Variants in SEL1L2 observed in about 807,000 individuals in gnomAD.
SEL1L2 encodes protein sel-1 homolog 2.
A neutral mutation model predicts 98.8 loss-of-function variants in SEL1L2; 89 were observed. The ratio of observed to expected loss-of-function variants is 0.90; its 90% CI spans 0.76 to 1.07. The LOEUF is 1.07. Ranked by LOEUF, SEL1L2 falls within the 50% of genes least tolerant of loss-of-function variation. The pLI is 0.00. For synonymous variants in SEL1L2, 262 were observed against 278.5 expected (o/e 0.94, Z 0.59); for missense variants, 788 against 812.0 (o/e 0.97, Z 0.36).
At chr20:13,978,776 A>AG (rs2051668698) in intron 1 of SEL1L2, among the ~76,000 whole-genome samples, 1 of 152,180 alleles carries the variant, frequency 6.6e-6, no homozygotes, top group Non-Finnish European at 1.5e-5. Flanking sequence ...GAATGAAATC[A>AG]CCAGGTGCGG....
Position 13,869,485 on chromosome 20 carries a change from T to C in SEL1L2, c.1255+18A>G. 1 of 1,574,622 alleles carries C rather than the reference T, an allele frequency of 6.4e-7. No individual in the cohort carries two copies. The highest frequency in any genetic ancestry group is 8.7e-7 in the Non-Finnish European group (1 of 1,143,988). ...CATATGTCATTCTAAATAAAGCAGC[T>C]GTATTTGTGGCACTTACAGTAGTAC... On this transcript the variant is annotated intron_variant, in intron 14 of 19. Coordinates refer to ENST00000284951, the MANE Select transcript of SEL1L2 (RefSeq NM_025229.2).
intron 1 of SEL1L2, among the ~76,000 whole-genome samples, chr20:13,982,644 T>C (rs1002437629): frequency 6.7e-6 from 1 of 148,174 alleles, no homozygotes; most frequent in Non-Finnish European, 1.5e-5. Flanking sequence ...AGAGAAGAAA[T>C]AGATGGGAGA....
At chr20:13,860,186 C>T (rs1399237120) in intron 17 of SEL1L2, among the ~76,000 whole-genome samples, 2 of 152,314 alleles carry the variant, frequency 1.3e-5, no homozygotes, top group East Asian at 1.9e-4. Context: ...CAAACACGCT[C>T]TGGCATCTTC....
chr20:13,891,462 A>G (rs1020510216), intron 5 of SEL1L2, among the ~76,000 whole-genome samples: 4 of 152,048 alleles, frequency 2.6e-5, no homozygotes, highest in African/African-American at 9.7e-5. Flanking sequence ...AGATCAAGAG[A>G]TTGAGACCCT....
At chr20:13,855,815 C>T (rs574524321) in intron 18 of SEL1L2, among the ~76,000 whole-genome samples, 52 of 152,360 alleles carry the variant, frequency 3.4e-4, no homozygotes, top group African/African-American at 1.2e-3. Context: ...CACGCCCTTG[C>T]GAGAGCTAGC....
chr20:13,856,331 TG>T (rs996242607), intron 18 of SEL1L2, among the ~76,000 whole-genome samples: 6 of 152,140 alleles, frequency 3.9e-5, no homozygotes, highest in Admixed American at 3.3e-4. Flanking sequence ...GATTTTGCCA[TG>T]TTAGCCTGGC....
intron 3 of SEL1L2, among the ~76,000 whole-genome samples, 165 bp from the exon 4 acceptor site, chr20:13,919,288 C>T (rs548298716): frequency 3.5e-3 from 531 of 152,284 alleles, no homozygotes; most frequent in Non-Finnish European, 4.3e-3. Flanking sequence ...AGCTGAGGAG[C>T]GTCGGTAGGT....
chr20:13,925,366 G>A (rs964724614), intron 3 of SEL1L2, among the ~76,000 whole-genome samples: 2 of 152,216 alleles, frequency 1.3e-5, no homozygotes, highest in Non-Finnish European at 2.9e-5. Flanking sequence ...AAAAAATCAG[G>A]TGGCATAAAT....
At position 13,874,704 on chromosome 20, in the gene SEL1L2, A is replaced by C. The variant is rs531204282; in HGVS notation, c.1104+1334T>G. On this transcript the variant is annotated intron_variant, in intron 12 of 19. Coordinates refer to ENST00000284951, the MANE Select transcript of SEL1L2 (RefSeq NM_025229.2). ...TTACAAAGGAGAGGAGCAGAGTACT[A>C]GCCTTCTCAGTAATTTACACCACAA... 3.9e-5 allele frequency among the ~76,000 whole-genome samples: 6 copies of C among 152,326 alleles called. No individual in the cohort carries two copies. In the East Asian group the frequency reaches 9.6e-4, roughly 24 times the overall value.
intron 4 of SEL1L2, among the ~76,000 whole-genome samples, chr20:13,914,579 A>C (rs752067641): frequency 6.6e-6 from 1 of 152,200 alleles, no homozygotes; most frequent in Non-Finnish European, 1.5e-5. Context: ...GGAGAACTTC[A>C]GCCAAGTTAT....
chr20:13,943,662 C>G (rs1472344959), intron 2 of SEL1L2, among the ~76,000 whole-genome samples: 1 of 151,894 alleles, frequency 6.6e-6, no homozygotes, highest in East Asian at 1.9e-4. Flanking sequence ...TCTCTGAGAA[C>G]TATACAAAAA....
intron 17 of SEL1L2, among the ~76,000 whole-genome samples, chr20:13,862,836 C>T (rs989576183): frequency 1.3e-5 from 2 of 151,940 alleles, no homozygotes; most frequent in South Asian, 2.1e-4. Context: ...TACAGGTGCA[C>T]ACCACCACAC....
chr20:13,908,428 T>G (rs1263274263), intron 5 of SEL1L2, among the ~76,000 whole-genome samples: 2 of 152,170 alleles, frequency 1.3e-5, no homozygotes, highest in African/African-American at 4.8e-5. Flanking sequence ...CTGGCCATTT[T>G]TGACTCTTAA....
chr20:13,934,420 TATATATATATTCC>T lies in SEL1L2; in HGVS notation c.115-2662_115-2650del, dbSNP rs2049327299. 2.8e-4 allele frequency among the ~76,000 whole-genome samples: 7 copies of T among 24,668 alleles called. 1 individual carries two copies. Among genetic ancestry groups the T allele is most frequent in the Admixed American group, 4.1e-4 (1 of 2,454 alleles). The allele number at this position is 24,668 out of a possible 152,430, so 16.2% of individuals were successfully genotyped here. On this transcript the variant is annotated intron_variant, in intron 2 of 19. Coordinates refer to ENST00000284951, the MANE Select transcript of SEL1L2 (RefSeq NM_025229.2). ...ATATATTCCATATATATATATTCCATATATATATATTCCATATATATATTCCATATATATATAT... is the reference window on the plus strand; with the variant it reads ...ATATATTCCATATATATATATTCCATATATATATATTCCATATATATATAT...
rs749668163 is a variant in SEL1L2, at chr20:13,869,542, AC to A, written c.1215del (p.Trp406GlyfsTer8). 11 of 1,613,914 alleles carry A rather than the reference AC, an allele frequency of 6.8e-6. No homozygotes were observed. Among genetic ancestry groups the A allele is most frequent in the Non-Finnish European group, 9.3e-6 (11 of 1,179,970 alleles). ...CCTAACTGGAACTGTGCGTCGGGCC[AC>A]CCTTTTTCCGCAGCTTTCTGAAAGT... ...LKYFQKAAEK[G>X]WPDAQFQLGF... On this transcript the variant is annotated frameshift_variant, in exon 14 of 20. Coordinates refer to ENST00000284951, the MANE Select transcript of SEL1L2 (RefSeq NM_025229.2). LOFTEE classifies it high-confidence loss of function.
At chr20:13,992,383 C>T (rs889006845), upstream of SEL1L2, among the ~76,000 whole-genome samples, 2 of 151,836 alleles carry the variant, frequency 1.3e-5, no homozygotes, top group Admixed American at 1.3e-4. Context: ...AGATGCCTGT[C>T]ATCTCAGCTA....
intron 11 of SEL1L2, among the ~76,000 whole-genome samples, chr20:13,876,470 C>A (rs1408067481): frequency 7.3e-6 from 1 of 137,130 alleles, no homozygotes; most frequent in African/African-American, 2.7e-5. Context: ...GCAGGACATT[C>A]GTCCCTATGG....
intron 5 of SEL1L2, among the ~76,000 whole-genome samples, chr20:13,903,648 A>G (rs2047784857): frequency 6.6e-6 from 1 of 152,120 alleles, no homozygotes; most frequent in Non-Finnish European, 1.5e-5. Context: ...CCCTGTCTCT[A>G]CTAAAAATAC....
chr20:13,901,667 C>CTT (rs201961117), intron 5 of SEL1L2, among the ~76,000 whole-genome samples: 3 of 139,680 alleles, frequency 2.1e-5, no homozygotes, highest in African/African-American at 2.6e-5. Context: ...AAATTTTTTT[C>CTT]TTTTTTTTTT....
Sources: allele counts gnomAD v4.1 joint callset (sites outside exome capture counted in the v4.1 genomes callset), GRCh38; gene constraint gnomAD v4.1.1; transcripts MANE v1.5; gene names NCBI Gene and HGNC (gene_info 2026-07-23, HGNC 2026-07-21).